KPNA3: variants seen among roughly 807,000 people sequenced by gnomAD.
KPNA3 encodes importin subunit alpha-4.
KPNA3 carries 13 observed loss-of-function variants against 73.8 expected under a neutral mutation model. That is an observed-to-expected ratio of 0.18 (90% CI 0.11 to 0.28). The LOEUF is 0.28. Ranked by LOEUF, KPNA3 falls within the 10% of genes least tolerant of loss-of-function variation. The pLI is 1.00. For synonymous variants in KPNA3, 186 were observed against 206.9 expected (o/e 0.90, Z 0.87); for missense variants, 360 against 618.1 (o/e 0.58, Z 4.43).
rs71078888 is a variant in KPNA3 at position 49,753,026 on chromosome 13, C to CAAAAAAAAAAAAAAA, written c.70-6048_70-6034dup. On this transcript the variant is annotated intron_variant, in intron 1 of 16. Coordinates refer to ENST00000261667, the MANE Select transcript of KPNA3 (RefSeq NM_002267.4). ...TGGGTGACAGAGCGAGACTCTGTCT[C>CAAAAAAAAAAAAAAA]AAAAAAAAAAAAAAAAAAAAAAAAA... 9.7e-5 allele frequency among the ~76,000 whole-genome samples: 8 copies of CAAAAAAAAAAAAAAA among 82,210 alleles called. 1 individual carries two copies. Among genetic ancestry groups the CAAAAAAAAAAAAAAA allele is most frequent in the Non-Finnish European group, 1.1e-4 (5 of 44,522 alleles). 53.9% of individuals were successfully genotyped at this position (82,210 alleles called of 152,430 possible). A position where few individuals can be genotyped will look rare whatever the true frequency, so the allele number is the denominator to read the frequency against.
rs1955044243 is a variant in KPNA3 at position 49,792,522 on chromosome 13, C to CGGCGGCGGCTACTCA, written c.-17_-16insTGAGTAGCCGCCGCC. On this transcript the variant is annotated 5_prime_UTR_variant, in exon 1 of 17. Coordinates refer to ENST00000261667, the MANE Select transcript of KPNA3 (RefSeq NM_002267.4). The stretch of plus-strand genomic sequence containing the variant: ...TCTCGGCCATGGCTGCGCGCGGCTC[C>CGGCGGCGGCTACTCA]GGCGGCGGCTACTCCTGCGGCTGCG... The CGGCGGCGGCTACTCA allele has an allele frequency of 6.9e-7, 1 of 1,450,646 alleles. No homozygotes were observed. Among genetic ancestry groups the CGGCGGCGGCTACTCA allele is most frequent in the African/African-American group, 1.5e-5 (1 of 64,906 alleles). The allele number at this position is 1,450,646 out of a possible 1,614,324, so 89.9% of individuals were successfully genotyped here. A position where few individuals can be genotyped will look rare whatever the true frequency, so the allele number is the denominator to read the frequency against.
chr13:49,734,328 C>G (rs929997699), intron 2 of KPNA3, among the ~76,000 whole-genome samples: 1 of 152,178 alleles, frequency 6.6e-6, no homozygotes, highest in African/African-American at 2.4e-5. Context: ...GTTTTTGTAA[C>G]TGTCTTATTC....
At chr13:49,716,154 A>T (rs1954302649) in intron 10 of KPNA3, among the ~76,000 whole-genome samples, 1 of 152,186 alleles carries the variant, frequency 6.6e-6, no homozygotes, top group Non-Finnish European at 1.5e-5. Flanking sequence ...AAATACTTGT[A>T]GTCTCTAATT....
At chr13:49,756,909 C>T (rs1954716492) in intron 1 of KPNA3, among the ~76,000 whole-genome samples, 1 of 152,078 alleles carries the variant, frequency 6.6e-6, no homozygotes, top group African/African-American at 2.4e-5. Flanking sequence ...ACAAATATAT[C>T]CAACTGATTT....
At chr13:49,722,409 A>G in intron 8 of KPNA3, 68 bp downstream of exon 8, 1 of 1,020,918 alleles carries the variant, frequency 9.8e-7, no homozygotes, top group Non-Finnish European at 1.5e-6. Flanking sequence ...CATAGTATGT[A>G]ATGGCTATGC....
At chr13:49,737,550 AGTGTGTGTGTCTGTGTGTGTGTGT>A (rs1299900061) in intron 2 of KPNA3, among the ~76,000 whole-genome samples, 2 of 124,522 alleles carry the variant, frequency 1.6e-5, no homozygotes, top group African/African-American at 3.2e-5. Context: ...CTTACTATTA[AGTGTGTGTGTCTGTGTGTGTGTGT>A]GTGTGTGTGT....
At chr13:49,722,412 G>T in intron 8 of KPNA3, 65 bp downstream of exon 8, 1 of 1,052,516 alleles carries the variant, frequency 9.5e-7, no homozygotes, top group Non-Finnish European at 1.5e-6. Flanking sequence ...AGTATGTAAT[G>T]GCTATGCCAA....
intron 1 of KPNA3, among the ~76,000 whole-genome samples, chr13:49,788,948 G>A (rs1955008972): frequency 6.6e-6 from 1 of 151,976 alleles, no homozygotes; most frequent in Admixed American, 6.6e-5. Context: ...GAATTTGAAG[G>A]AGGAGGAAGA....
intron 1 of KPNA3, among the ~76,000 whole-genome samples, chr13:49,787,683 T>A (rs1441181910): frequency 1.3e-5 from 1 of 76,754 alleles, no homozygotes. Flanking sequence ...ATTTTTGTAT[T>A]TTTTTTTTTT....
At chr13:49,777,667 A>T (rs76056111) in intron 1 of KPNA3, among the ~76,000 whole-genome samples, 1 of 141,354 alleles carries the variant, frequency 7.1e-6, no homozygotes, top group African/African-American at 2.6e-5. Context: ...CACCCAGATG[A>T]TTTTTTTTTT....
chr13:49,709,473 G>T, intron 12 of KPNA3, 99 bp downstream of exon 12: 1 of 987,826 alleles, frequency 1.0e-6, no homozygotes, highest in Non-Finnish European at 1.5e-6. Flanking sequence ...TCGCTGCAGT[G>T]GCTTTTAAGA....
intron 1 of KPNA3, among the ~76,000 whole-genome samples, chr13:49,773,522 G>A (rs1193936619): frequency 6.6e-6 from 1 of 151,914 alleles, no homozygotes; most frequent in Non-Finnish European, 1.5e-5. Flanking sequence ...AACACTTGGG[G>A]CGGCTGATAA....
rs753502361 is a variant in KPNA3, at chr13:49,777,515, CTTTA to C, written c.69+14919_69+14922del. On this transcript the variant is annotated intron_variant, in intron 1 of 16. Transcript: ENST00000261667. ...CAGTTGTTACACTATTTATTTTTTT[CTTTA>C]TTTGAGACAGGGTCTCACTCTGTCA... Among the ~76,000 whole-genome samples, 21 of 151,870 alleles carry C rather than the reference CTTTA, an allele frequency of 1.4e-4. 1 individual carries two copies. The highest frequency in any genetic ancestry group is 4.3e-4 in the African/African-American group (18 of 41,440).
At chr13:49,750,654 A>T (rs1228436600) in intron 1 of KPNA3, among the ~76,000 whole-genome samples, 1 of 151,924 alleles carries the variant, frequency 6.6e-6, no homozygotes. Context: ...AAGGTTTGCC[A>T]GCACCTGGTC....
intron 1 of KPNA3, among the ~76,000 whole-genome samples, chr13:49,783,057 G>T (rs999553284): frequency 6.6e-6 from 1 of 152,016 alleles, no homozygotes; most frequent in African/African-American, 2.4e-5. Context: ...CTCCACAAGC[G>T]TAAAAATCAA....
intron 14 of KPNA3, 43 bp from the exon 15 acceptor site, chr13:49,705,826 T>A: frequency 6.8e-7 from 1 of 1,467,598 alleles, no homozygotes; most frequent in South Asian, 1.4e-5. Context: ...TATATAATTA[T>A]CTATTTCCCA....
rs111282595 is a variant in KPNA3 at position 49,723,832 on chromosome 13, T to C, written c.470-1269A>G. On this transcript the variant is annotated intron_variant, in intron 7 of 16. Transcript: ENST00000261667. The stretch of plus-strand genomic sequence containing the variant: ...TTGCAGTGAGCTGAGATCACGCCAC[T>C]GCACTCCAGCCTGGCGACAGAGCGA... Among the ~76,000 whole-genome samples the C allele has an allele frequency of 5.5e-5, 8 of 144,980 alleles. 1 individual carries two copies. Among genetic ancestry groups the C allele is most frequent in the African/African-American group, 2.1e-4 (8 of 38,822 alleles).
At chr13:49,745,273 G>A (rs757164913) in intron 2 of KPNA3, among the ~76,000 whole-genome samples, 2 of 152,082 alleles carry the variant, frequency 1.3e-5, no homozygotes, top group Non-Finnish European at 2.9e-5. Flanking sequence ...AAATGCACAA[G>A]TCTATTTCTA....
At chr13:49,704,980 G>A (rs1007333550) in intron 15 of KPNA3, among the ~76,000 whole-genome samples, 3 of 152,156 alleles carry the variant, frequency 2.0e-5, no homozygotes, top group African/African-American at 7.2e-5. Flanking sequence ...ATTAAATAAA[G>A]CTTTAAAATT....
Sources: gnomAD v4.1 joint callset for allele counts (sites outside exome capture counted in the v4.1 genomes callset) on GRCh38, gnomAD v4.1.1 for gene constraint, MANE v1.5 for transcripts, NCBI Gene and HGNC (gene_info 2026-07-23, HGNC 2026-07-21) for gene names.